The following GRIK4 variants were observed in gnomAD, a reference collection of about 807,000 sequenced individuals.
GRIK4 encodes glutamate ionotropic receptor kainate type subunit 4, also known as glutamate receptor ionotropic, kainate 4.
In GRIK4, 40 loss-of-function variants were observed where a neutral mutation model predicts 104.9. The observed-to-expected ratio is 0.38, with a 90% confidence interval of 0.30 to 0.50. GRIK4 has a LOEUF of 0.50. Among genes scored for constraint, GRIK4 ranks in the 20% least tolerant of loss-of-function variants. The probability of loss-of-function intolerance (pLI) is 0.93; values close to 1 mark genes in which losing one functional copy is unlikely to be tolerated. For synonymous variants in GRIK4, 485 were observed against 524.9 expected, an observed-to-expected ratio of 0.92 and a Z score of 1.04; for missense variants, 1,047 against 1,308.1, an observed-to-expected ratio of 0.80 and a Z score of 3.08.
At chr11:120,714,686 T>G (rs1950796597) in intron 3 of GRIK4, among the ~76,000 whole-genome samples, 1 of 151,886 alleles carries the variant, frequency 6.6e-6, no homozygotes, top group African/African-American at 2.4e-5. Context: ...GAGACTGGAG[T>G]TTAAATAAAA....
At chr11:120,581,646 T>G (rs1197088038) in intron 1 of GRIK4, among the ~76,000 whole-genome samples, 2 of 152,202 alleles carry the variant, frequency 1.3e-5, no homozygotes, top group African/African-American at 4.8e-5. Context: ...CTCATGTAAG[T>G]GGACTCATAT....
chr11:120,571,641 C>A (rs1948401324), intron 1 of GRIK4, among the ~76,000 whole-genome samples: 1 of 152,100 alleles, frequency 6.6e-6, no homozygotes, highest in Admixed American at 6.6e-5. Context: ...CCTCCCCTGG[C>A]TCTCACCACC....
chr11:120,801,128 C>A (rs1455218939), intron 3 of GRIK4, among the ~76,000 whole-genome samples: 2 of 152,268 alleles, frequency 1.3e-5, no homozygotes, highest in Non-Finnish European at 2.9e-5. Flanking sequence ...ACAAATCTTT[C>A]TGCCTCTGTG....
rs144940245 is a variant in GRIK4, at chr11:120,718,315, G to A, written c.82+57915G>A. 5.3e-5 allele frequency among the ~76,000 whole-genome samples: 8 copies of A among 152,234 alleles called. No individual in the cohort carries two copies. In the East Asian group the frequency reaches 5.8e-4, roughly 11 times the overall value. On this transcript the variant is annotated intron_variant, in intron 3 of 20. Coordinates refer to ENST00000527524, the MANE Select transcript of GRIK4 (RefSeq NM_014619.5). ...AACAGCAGAAAAAGCTCCAACTCCC[G>A]GTAGCCTGAGGAGTGATGTGACCAG...
intron 16 of GRIK4, among the ~76,000 whole-genome samples, chr11:120,960,190 A>G (rs1301117130): frequency 6.6e-6 from 1 of 152,168 alleles, no homozygotes; most frequent in Non-Finnish European, 1.5e-5. Flanking sequence ...TTTGCTGGGC[A>G]TGGTGGTGCA....
At chr11:120,915,869 A>G (rs915124890) in intron 13 of GRIK4, among the ~76,000 whole-genome samples, 1 of 152,220 alleles carries the variant, frequency 6.6e-6, no homozygotes, top group East Asian at 1.9e-4. Context: ...GAGGGCACAG[A>G]GGCTTGGAGA....
chr11:120,540,497 C>T (rs1591683027), intron 1 of GRIK4, among the ~76,000 whole-genome samples: 2 of 152,150 alleles, frequency 1.3e-5, no homozygotes, highest in African/African-American at 4.8e-5. Flanking sequence ...ACCTGTAATC[C>T]CAGCTACTTG....
At chr11:120,848,885 G>A (rs1382739423) in intron 8 of GRIK4, among the ~76,000 whole-genome samples, 1 of 152,134 alleles carries the variant, frequency 6.6e-6, no homozygotes, top group Non-Finnish European at 1.5e-5. Flanking sequence ...TCCTAACCGA[G>A]GGGGACAGGG....
intron 1 of GRIK4, among the ~76,000 whole-genome samples, chr11:120,546,347 C>A (rs912966000): frequency 3.3e-5 from 5 of 152,040 alleles, no homozygotes; most frequent in African/African-American, 1.2e-4. Flanking sequence ...AGATCTGGTC[C>A]GGAAAAGTGG....
intron 3 of GRIK4, among the ~76,000 whole-genome samples, chr11:120,781,145 T>C (rs1023371942): frequency 2.0e-5 from 3 of 151,962 alleles, no homozygotes; most frequent in Non-Finnish European, 2.9e-5. Context: ...CTTTTTTTTT[T>C]TTTGGTTTGT....
Position 120,824,113 on chromosome 11 carries a change from A to G in GRIK4, c.511+4193A>G, listed in dbSNP as rs567790179. On this transcript the variant is annotated intron_variant, in intron 6 of 20. Transcript: ENST00000527524. Reference sequence around the variant, plus strand: ...TTTTCCAGCCATGAAAATTAGGCATAACGGAGATAATTCCATGGAGAATCA... The same window carrying G: ...TTTTCCAGCCATGAAAATTAGGCATGACGGAGATAATTCCATGGAGAATCA... Among the ~76,000 whole-genome samples the G allele has an allele frequency of 5.4e-4, 82 of 152,358 alleles. 1 individual carries two copies. In the South Asian group the frequency reaches 0.016, roughly 30 times the overall value.
At chr11:120,969,227 G>A (rs1191044128) in intron 19 of GRIK4, among the ~76,000 whole-genome samples, 1 of 152,154 alleles carries the variant, frequency 6.6e-6, no homozygotes, top group African/African-American at 2.4e-5. Flanking sequence ...AAATACTGGG[G>A]GGTGAAGTGC....
At chr11:120,750,335 A>G (rs186606064) in intron 3 of GRIK4, among the ~76,000 whole-genome samples, 16 of 149,278 alleles carry the variant, frequency 1.1e-4, no homozygotes, top group Admixed American at 8.7e-4. Context: ...AAAGGGATCT[A>G]CAAACTAGAA....
intron 3 of GRIK4, among the ~76,000 whole-genome samples, chr11:120,706,423 G>A (rs1264938057): frequency 6.6e-6 from 1 of 152,196 alleles, no homozygotes; most frequent in African/African-American, 2.4e-5. Flanking sequence ...GAGTGTGAGT[G>A]TGCACGTGTG....
At chr11:120,937,183 C>T (rs4472950) in intron 13 of GRIK4, among the ~76,000 whole-genome samples, 35,452 of 152,042 alleles carry the variant, frequency 0.23, 5,100 homozygotes, top group Admixed American at 0.37. Flanking sequence ...GGACTACAGA[C>T]GTGCACCACC....
intron 4 of GRIK4, among the ~76,000 whole-genome samples, chr11:120,813,136 G>A (rs1197969427): frequency 2.0e-5 from 3 of 152,208 alleles, no homozygotes; most frequent in African/African-American, 7.2e-5. Flanking sequence ...GAAGTGCTGG[G>A]TGTAGGAGTG....
In GRIK4 at chr11:120,819,217, C is replaced by T. The variant is rs1003777242; in HGVS notation, c.346-538C>T. ...GTGTGTCTGTGCGGGAGCCCATCCCCGCCCCACTTCCTCTCCCTGGGCATT... is the reference window on the plus strand; with the variant it reads ...GTGTGTCTGTGCGGGAGCCCATCCCTGCCCCACTTCCTCTCCCTGGGCATT... On this transcript the variant is annotated intron_variant, in intron 5 of 20. Coordinates refer to ENST00000527524, the MANE Select transcript of GRIK4 (RefSeq NM_014619.5). The surrounding 1 kb of genome is among the most constrained non-coding windows in gnomAD (Gnocchi z 4.3). Among the ~76,000 whole-genome samples, 7 of 152,180 alleles carry T rather than the reference C, an allele frequency of 4.6e-5. No homozygotes were observed. Among genetic ancestry groups the T allele is most frequent in the South Asian group, 4.1e-4 (2 of 4,826 alleles).
chr11:120,544,943 G>A (rs980067255), intron 1 of GRIK4, among the ~76,000 whole-genome samples: 1 of 152,202 alleles, frequency 6.6e-6, no homozygotes, highest in African/African-American at 2.4e-5. Context: ...GGACTCCCAG[G>A]GTGCGCTCAG....
At chr11:120,616,859 T>C (rs1335032264) in intron 1 of GRIK4, among the ~76,000 whole-genome samples, 1 of 152,238 alleles carries the variant, frequency 6.6e-6, no homozygotes, top group Non-Finnish European at 1.5e-5. Context: ...GTACAAGTGA[T>C]TCCAGTGCCC....
Sources: allele counts gnomAD v4.1 joint callset (sites outside exome capture counted in the v4.1 genomes callset), GRCh38; gene constraint gnomAD v4.1.1; non-coding constraint Gnocchi (gnomAD v3.1); transcripts MANE v1.5; gene names NCBI Gene and HGNC (gene_info 2026-07-23, HGNC 2026-07-21).